The following MAML3 variants were observed in gnomAD, a reference collection of about 807,000 sequenced individuals.
MAML3 encodes the protein mastermind like transcriptional coactivator 3.
Under a neutral mutation model 101.9 loss-of-function variants are expected in MAML3, and 27 were observed. The ratio of observed to expected loss-of-function variants is 0.27; its 90% CI spans 0.20 to 0.37. The LOEUF (loss-of-function observed/expected upper bound fraction) is 0.37, where lower values mean the gene tolerates loss of function less well. Among genes scored for constraint, MAML3 ranks in the 10% least tolerant of loss-of-function variants. MAML3 has a pLI of 1.00. For synonymous variants in MAML3, 501 were observed against 555.9 expected (o/e 0.90, Z 1.39); for missense variants, 1,316 against 1,444.9 (o/e 0.91, Z 1.45).
intron 2 of MAML3, among the ~76,000 whole-genome samples, chr4:139,783,826 T>A (rs574825579): frequency 9.2e-4 from 140 of 152,330 alleles, no homozygotes; most frequent in Admixed American, 2.7e-3. Context: ...GGCCGTCTGA[T>A]TGGATGCACA....
Position 139,939,195 on chromosome 4 carries a change from C to T in MAML3, c.469-48228G>A, listed in dbSNP as rs866541425. Among the ~76,000 whole-genome samples the T allele has an allele frequency of 5.3e-5, 8 of 152,296 alleles. No individual in the cohort carries two copies. The South Asian group carries it at 6.2e-4, about 12-fold the overall frequency. Reference sequence around the variant, plus strand: ...GTATGTGCTTCTTCCTTTCACACTGCGACAGACCTTGAGGTTCCCATACCT... The same window carrying T: ...GTATGTGCTTCTTCCTTTCACACTGTGACAGACCTTGAGGTTCCCATACCT... On this transcript the variant is annotated intron_variant, in intron 1 of 4. Transcript: ENST00000509479.
At chr4:140,096,026 T>C (rs1728155920) in intron 1 of MAML3, among the ~76,000 whole-genome samples, 3 of 152,314 alleles carry the variant, frequency 2.0e-5, no homozygotes, top group South Asian at 2.1e-4. Context: ...TTCTCAGCAA[T>C]TGGGATATTG....
chr4:140,018,827 G>A (rs575413314), intron 1 of MAML3, among the ~76,000 whole-genome samples: 5 of 152,188 alleles, frequency 3.3e-5, no homozygotes, highest in Admixed American at 2.6e-4. Flanking sequence ...ATCCCTTAAT[G>A]TTGGGGCACA....
At chr4:139,932,249 A>AT (rs397762815) in intron 1 of MAML3, among the ~76,000 whole-genome samples, 103,773 of 149,848 alleles carry the variant, frequency 0.69, 36,765 homozygotes, top group East Asian at 0.92. Context: ...TGTTATCTTG[A>AT]TTTTTTTTTT....
chr4:140,020,647 G>A (rs1186036894), intron 1 of MAML3, among the ~76,000 whole-genome samples: 2 of 152,062 alleles, frequency 1.3e-5, no homozygotes, highest in Non-Finnish European at 2.9e-5. Flanking sequence ...GAGTGGGTGG[G>A]ATCCTGTTTC....
Position 139,890,411 on chromosome 4 carries a change from G to A in MAML3, c.1025C>T (p.Ser342Leu), listed in dbSNP as rs1350219978. The change falls in exon 2 of 5, where the codon TCG becomes TTG. Residue 342 changes from serine to leucine, a missense_variant. Ser to Leu is a moderately radical substitution (Grantham distance 145). Coordinates refer to ENST00000509479, the MANE Select transcript of MAML3 (RefSeq NM_018717.5). The surrounding 1 kb of genome is among the most constrained non-coding windows in gnomAD (Gnocchi z 4.1). ...DFEEKKEPEF[S>L]QPATETPLSQ... Reference sequence around the variant, plus strand: ...GAGAGGGGTCTCAGTTGCTGGCTGCGAGAATTCTGGCTCCTTCTTCTCTTC... The same window carrying A: ...GAGAGGGGTCTCAGTTGCTGGCTGCAAGAATTCTGGCTCCTTCTTCTCTTC... The A allele has an allele frequency of 1.2e-5, 19 of 1,605,264 alleles. No homozygotes were observed. Among genetic ancestry groups the A allele is most frequent in the Non-Finnish European group, 1.4e-5 (16 of 1,173,854 alleles).
intron 1 of MAML3, among the ~76,000 whole-genome samples, chr4:140,152,305 G>T (rs191629016): frequency 1.9e-3 from 288 of 152,332 alleles, no homozygotes; most frequent in African/African-American, 6.8e-3. Context: ...GTGAGCTGGG[G>T]AGAGGAGGCG....
chr4:139,799,013 C>T (rs559466015), intron 2 of MAML3, among the ~76,000 whole-genome samples: 1 of 152,298 alleles, frequency 6.6e-6, no homozygotes, highest in South Asian at 2.1e-4. Context: ...AAGTGATTAG[C>T]GTAGGCAGTT....
intron 1 of MAML3, among the ~76,000 whole-genome samples, chr4:140,148,991 T>C (rs1019479153): frequency 2.6e-5 from 4 of 152,234 alleles, no homozygotes; most frequent in Admixed American, 2.6e-4. Context: ...CTATCACCAT[T>C]TTAAAATTTT....
At chr4:140,050,564 T>C (rs570070978) in intron 1 of MAML3, among the ~76,000 whole-genome samples, 1 of 140,970 alleles carries the variant, frequency 7.1e-6, no homozygotes, top group Admixed American at 6.9e-5. Context: ...AAAGCAGCCA[T>C]GTGTTCCACT....
chr4:140,031,618 A>G (rs1444104594), intron 1 of MAML3, among the ~76,000 whole-genome samples: 1 of 152,248 alleles, frequency 6.6e-6, no homozygotes, highest in East Asian at 1.9e-4. Context: ...AAGATCTTCA[A>G]TGACTGACAT....
intron 1 of MAML3, among the ~76,000 whole-genome samples, chr4:140,058,852 A>G (rs542991150): frequency 6.6e-6 from 1 of 152,344 alleles, no homozygotes; most frequent in Admixed American, 6.5e-5. Context: ...AAACACAGTT[A>G]GAACAGAGAA....
intron 1 of MAML3, among the ~76,000 whole-genome samples, chr4:139,941,719 T>C (rs142238203): frequency 7.2e-5 from 11 of 152,194 alleles, no homozygotes; most frequent in Admixed American, 4.6e-4. Flanking sequence ...TGCTAAACCT[T>C]GTTAGGAGCA....
chr4:140,050,238 C>T, intron 1 of MAML3, among the ~76,000 whole-genome samples: 1 of 152,070 alleles, frequency 6.6e-6, no homozygotes, highest in East Asian at 1.9e-4. Context: ...ATTATCTCAC[C>T]TACTTATCCA....
In MAML3 at chr4:140,023,467, G is replaced by T. The variant is rs987206198; in HGVS notation, c.468+129393C>A. On this transcript the variant is annotated intron_variant, in intron 1 of 4. Transcript: ENST00000509479. ...TCACCCAGGAGCAGCCTAGACAATG[G>T]ATCTTTTACACATCTTCACATTCAG... Among the ~76,000 whole-genome samples the T allele has an allele frequency of 3.3e-5, 5 of 152,154 alleles. 1 individual carries two copies. Among genetic ancestry groups the T allele is most frequent in the Admixed American group, 3.3e-4 (5 of 15,280 alleles).
intron 2 of MAML3, among the ~76,000 whole-genome samples, chr4:139,818,013 TG>T (rs1730918662): frequency 6.6e-6 from 1 of 152,228 alleles, no homozygotes; most frequent in Admixed American, 6.5e-5. Context: ...CACAATTGCC[TG>T]GTGGGTTTGT....
intron 1 of MAML3, among the ~76,000 whole-genome samples, chr4:140,064,145 A>C (rs1042025107): frequency 6.6e-6 from 1 of 152,186 alleles, no homozygotes; most frequent in East Asian, 1.9e-4. Context: ...ATTTGGTTCT[A>C]ATCCATATTT....
chr4:139,921,870 T>TA (rs1053355887), intron 1 of MAML3, among the ~76,000 whole-genome samples: 4 of 152,242 alleles, frequency 2.6e-5, no homozygotes, highest in African/African-American at 9.6e-5. Flanking sequence ...CACTGCATGT[T>TA]AAACACAGTC....
At chr4:139,923,214 C>A (rs1487171184) in intron 1 of MAML3, among the ~76,000 whole-genome samples, 1 of 152,102 alleles carries the variant, frequency 6.6e-6, no homozygotes, top group Non-Finnish European at 1.5e-5. Flanking sequence ...CTCCCCACAC[C>A]CCGGGATCCA....
Sources: allele counts gnomAD v4.1 joint callset (sites outside exome capture counted in the v4.1 genomes callset), GRCh38; gene constraint gnomAD v4.1.1; non-coding constraint Gnocchi (gnomAD v3.1); transcripts MANE v1.5; gene names NCBI Gene and HGNC (gene_info 2026-07-23, HGNC 2026-07-21).